Variants in WDR77 observed in about 807,000 individuals in gnomAD.
The protein encoded by WDR77 is WD repeat domain 77.
Under a neutral mutation model 44.0 loss-of-function variants are expected in WDR77, and 31 were observed. The ratio of observed to expected loss-of-function variants is 0.70; its 90% confidence interval spans 0.53 to 0.95. The LOEUF is 0.95. Among genes scored for constraint, WDR77 ranks in the 40% least tolerant of loss-of-function variants. WDR77 has a pLI of 0.00. For synonymous variants in WDR77, 186 were observed against 165.7 expected, an observed-to-expected ratio of 1.12 and a Z score of -0.94; for missense variants, 390 against 423.9, an observed-to-expected ratio of 0.92 and a Z score of 0.70.
intron 1 of WDR77, 38 bp downstream of exon 1, chr1:111,449,017 G>A (rs769671986): frequency 6.4e-7 from 1 of 1,552,414 alleles, no homozygotes; most frequent in Middle Eastern, 1.7e-4. Context: ...GCCCTGGGCC[G>A]GGGTAAGGGA....
chr1:111,440,230 A>T lies in WDR77; in HGVS notation c.*1000T>A, dbSNP rs952382251. 6.6e-6 allele frequency: 1 copy of T among 152,242 alleles called. No individual in the cohort carries two copies. The highest frequency in any genetic ancestry group is 1.5e-5 in the Non-Finnish European group (1 of 68,042). 9.4% of individuals were successfully genotyped at this position (152,242 alleles called of 1,614,324 possible). A position where few individuals can be genotyped will look rare whatever the true frequency, so the allele number is the denominator to read the frequency against. On this transcript the variant is annotated 3_prime_UTR_variant, in exon 10 of 10. Transcript: ENST00000235090. ...CCATGATGACTCACATAAGTGAAAT[A>T]TATCTAACTACACATAACACACATG...
rs752890444 is a variant in WDR77, at chr1:111,441,292, C to T, written c.967G>A (p.Val323Ile). The T allele has an allele frequency of 1.3e-5, 20 of 1,586,408 alleles. No homozygotes were observed. Among genetic ancestry groups the T allele is most frequent in the South Asian group, 6.9e-5 (6 of 87,584 alleles). ...LTTVGWDHQV[V>I]HHVVPTEPLP... ...GGTTCTGTGGGCACAACGTGGTGGACGACCTGATGGTCCCAGCCCACTGTG... is the reference window on the plus strand; with the variant it reads ...GGTTCTGTGGGCACAACGTGGTGGATGACCTGATGGTCCCAGCCCACTGTG... The change falls in exon 10 of 10, where the codon GTC (valine) becomes ATC (isoleucine). Residue 323 changes from valine (V) to isoleucine (I), a missense_variant. By Grantham distance (29) the Val-to-Ile change is conservative. Transcript: ENST00000235090.
At chr1:111,441,615 C>G (rs1376088085) in intron 9 of WDR77, 1 of 1,302,680 alleles carries the variant, frequency 7.7e-7, no homozygotes, top group East Asian at 2.9e-5. Flanking sequence ...CTGGATAGAA[C>G]AAGACAGTGA....
At chr1:111,445,062 C>T (rs2101744972) in intron 4 of WDR77, among the ~76,000 whole-genome samples, 1 of 152,288 alleles carries the variant, frequency 6.6e-6, no homozygotes, top group African/African-American at 2.4e-5. Context: ...AATAAGCACA[C>T]AATAAATTAT....
chr1:111,443,561 C>T, intron 6 of WDR77, 167 bp from the exon 7 acceptor site: 1 of 851,978 alleles, frequency 1.2e-6, no homozygotes, highest in Non-Finnish European at 1.4e-6. Context: ...TCCCAGCAGC[C>T]TCCTGCCCTT....
At chr1:111,442,590 T>TACACACAC in intron 8 of WDR77, 63 bp downstream of exon 8, 1 of 1,180,824 alleles carries the variant, frequency 8.5e-7, no homozygotes, top group African/African-American at 1.5e-5. Context: ...TTTGAAAACA[T>TACACACAC]ACACACACAC....
At chr1:111,448,017 T>A (rs902566095) in intron 2 of WDR77, among the ~76,000 whole-genome samples, 1 of 152,204 alleles carries the variant, frequency 6.6e-6, no homozygotes, top group African/African-American at 2.4e-5. Context: ...TTTAAAAATA[T>A]GTTGAATAAT....
chr1:111,443,757 C>T lies in WDR77; in HGVS notation c.619+110G>A, dbSNP rs1652909120. The T allele has an allele frequency of 7.1e-6, 11 of 1,559,006 alleles. No individual in the cohort carries two copies. In the East Asian group the frequency reaches 2.3e-4, roughly 33 times the overall value. ...AAGAAGGAGATTATGTCACTCATGTCACAGTAACTACACTGGGCATCTAGC... is the reference window on the plus strand; with the variant it reads ...AAGAAGGAGATTATGTCACTCATGTTACAGTAACTACACTGGGCATCTAGC... On this transcript the variant is annotated intron_variant, in intron 6 of 9. Transcript: ENST00000235090.
chr1:111,441,454 A>G (rs2101739871), intron 9 of WDR77, 65 bp from the exon 10 acceptor site: 1 of 1,418,340 alleles, frequency 7.1e-7, no homozygotes, highest in Non-Finnish European at 9.3e-7. Context: ...AGAAAAAAAG[A>G]GAACCCAACA....
Position 111,444,656 on chromosome 1 carries a change from T to C in WDR77, c.494-532A>G, listed in dbSNP as rs76583751. Among the ~76,000 whole-genome samples, 1,438 of 152,208 alleles carry C rather than the reference T, an allele frequency of 9.4e-3. 19 individuals are homozygous for C. The highest frequency in any genetic ancestry group is 0.033 in the African/African-American group (1,381 of 41,496). ...TTCCACGCTACAATGCTCAGGGGTA[T>C]AAAAATATAAGGGTTCTAAACTAAG... On this transcript the variant is annotated intron_variant, in intron 4 of 9. Coordinates refer to ENST00000235090, the MANE Select transcript of WDR77 (RefSeq NM_024102.4).
At chr1:111,443,448 T>A in intron 6 of WDR77, 54 bp from the exon 7 acceptor site, 2 of 1,502,622 alleles carry the variant, frequency 1.3e-6, no homozygotes, top group Non-Finnish European at 1.8e-6. Flanking sequence ...GAAGAAGCAG[T>A]TTCTCAAATG....
chr1:111,449,060 C>G lies in WDR77; in HGVS notation c.110G>C (p.Arg37Pro), dbSNP rs1474146731. ...MERQLEAARY[R>P]SDGALLLGAS... ...GGCCCGGGATCTCGGCTCACCGGAC[C>G]GGTACCGCGCAGCCTCCAACTGCCG... The change falls in exon 1 of 10, where the codon CGG becomes CCG. Residue 37 changes from arginine to proline, a missense_variant. Arg to Pro is a moderately radical substitution (Grantham distance 103). Transcript: ENST00000235090. The G allele has an allele frequency of 1.3e-6, 2 of 1,589,350 alleles. No individual in the cohort carries two copies. Among genetic ancestry groups the G allele is most frequent in the Middle Eastern group, 1.7e-4 (1 of 6,036 alleles).
chr1:111,444,002 T>C (rs1406293375), intron 5 of WDR77, 52 bp downstream of exon 5: 7 of 1,613,314 alleles, frequency 4.3e-6, no homozygotes, highest in Middle Eastern at 1.6e-4. Flanking sequence ...ACTAGAGACT[T>C]TGGCCTATGG....
At chr1:111,444,216 G>T in intron 4 of WDR77, 92 bp from the exon 5 acceptor site, 1 of 1,287,996 alleles carries the variant, frequency 7.8e-7, no homozygotes, top group African/African-American at 1.5e-5. Flanking sequence ...GCAGGAGGGA[G>T]GGAGGGCTGG....
Position 111,444,398 on chromosome 1 carries a change from T to C in WDR77, c.494-274A>G, listed in dbSNP as rs528222739. ...GTAAGAATAACAAAGGAATTTCCAG[T>C]TTAGGCATCCTAGACGTGAGGGCTA... On this transcript the variant is annotated intron_variant, in intron 4 of 9. Coordinates refer to ENST00000235090, the MANE Select transcript of WDR77 (RefSeq NM_024102.4). Among the ~76,000 whole-genome samples the C allele has an allele frequency of 3.3e-5, 5 of 152,014 alleles. No individual in the cohort carries two copies. In the South Asian group the frequency reaches 1.0e-3, roughly 32 times the overall value.
At position 111,448,891 on chromosome 1, in the gene WDR77, T is replaced by C. The variant is rs574796074; in HGVS notation, c.116-87A>G. The C allele has an allele frequency of 8.4e-6, 13 of 1,542,728 alleles. No homozygotes were observed. In the Admixed American group the frequency reaches 2.6e-4, roughly 30 times the overall value. Reference sequence around the variant, plus strand: ...CACAGAACAGCGTTCCGGCCGGGTCTGGATCTGAGCTCAGGAACGCGGGGC... The same window carrying C: ...CACAGAACAGCGTTCCGGCCGGGTCCGGATCTGAGCTCAGGAACGCGGGGC... On this transcript the variant is annotated intron_variant, in intron 1 of 9. Coordinates refer to ENST00000235090, the MANE Select transcript of WDR77 (RefSeq NM_024102.4).
Position 111,442,669 on chromosome 1 carries a change from C to A in WDR77, c.784G>T (p.Val262Leu). 1 of 1,581,198 alleles carries A rather than the reference C, an allele frequency of 6.3e-7. No homozygotes were observed. The highest frequency in any genetic ancestry group is 8.6e-7 in the Non-Finnish European group (1 of 1,158,514). The change falls in exon 8 of 10, where the codon GTG becomes TTG. Residue 262 changes from valine to leucine, a missense_variant. Val to Leu is a conservative substitution (Grantham distance 32). Coordinates refer to ENST00000235090, the MANE Select transcript of WDR77 (RefSeq NM_024102.4). ...GAACAGTACCTGTGTGGGGAGAACA[C>A]CAGCCCAGTGACACACTGGGAGTGT... is the stretch of plus-strand genomic sequence containing the variant. ...AVHSQCVTGL[V>L]FSPHSVPFLA...
In WDR77 at chr1:111,442,029, C is replaced by G. The variant is rs775872758; in HGVS notation, c.865G>C (p.Glu289Gln). The G allele has an allele frequency of 2.4e-5, 39 of 1,614,022 alleles. No individual in the cohort carries two copies. The South Asian group carries it at 4.1e-4, about 17-fold the overall frequency. Residue 289 changes from glutamate to glutamine, a missense_variant, in exon 9 of 10, where the codon GAG (glutamate) becomes CAG (glutamine). Transcript: ENST00000235090. Reference protein sequence around the residue: ...SLAVLDSSLSELFRSQAHRDF... With the variant: ...SLAVLDSSLSQLFRSQAHRDF... ...AGGATTCCACTTCACACTTACAACT[C>G]AGAAAGGCTTGAGTCCAGCACAGCA...
rs562047448 is a variant in WDR77, at chr1:111,441,827, G to A, written c.869+198C>T. The stretch of plus-strand genomic sequence containing the variant: ...TACCACCCCCCTCTACCAAGGACAC[G>A]GCTTGTCCTTGGGGTTGTGAATGTG... On this transcript the variant is annotated intron_variant, in intron 9 of 9. Transcript: ENST00000235090. 1.0e-3 allele frequency among the ~76,000 whole-genome samples: 156 copies of A among 152,254 alleles called. 2 individuals carry two copies. Among genetic ancestry groups the A allele is most frequent in the African/African-American group, 3.4e-3 (143 of 41,546 alleles).
Sources: gnomAD v4.1 joint callset for allele counts (sites outside exome capture counted in the v4.1 genomes callset) on GRCh38, gnomAD v4.1.1 for gene constraint, MANE v1.5 for transcripts, NCBI Gene and HGNC (gene_info 2026-07-23, HGNC 2026-07-21) for gene names.